The following POLN variants were observed in gnomAD, a reference collection of about 807,000 sequenced individuals.
The protein encoded by POLN is DNA polymerase N.
In POLN, 108 loss-of-function variants were observed where a neutral mutation model predicts 113.5. The ratio of observed to expected loss-of-function variants is 0.95; its 90% CI spans 0.81 to 1.12. The LOEUF is 1.12. Among genes scored for constraint, POLN ranks in the 50% most tolerant of loss-of-function variants. The pLI, the probability that POLN is intolerant of heterozygous loss-of-function variation, is 0.00. For missense variants in POLN, 1,097 were observed against 1,077.1 expected, an observed-to-expected ratio of 1.02 and a Z score of -0.26; for synonymous variants, 386 against 391.5, an observed-to-expected ratio of 0.99 and a Z score of 0.17.
intron 2 of POLN, chr4:2,240,784 C>T (rs762628866): frequency 6.2e-7 from 1 of 1,613,864 alleles, no homozygotes; most frequent in Non-Finnish European, 8.5e-7. Flanking sequence ...AATTCTCTTT[C>T]AGACAACACG....
intron 13 of POLN, among the ~76,000 whole-genome samples, chr4:2,161,347 C>T (rs1172613612): frequency 6.6e-6 from 1 of 152,222 alleles, no homozygotes; most frequent in Admixed American, 6.5e-5. Context: ...GTGGGCTTGG[C>T]AGGCCCTGCA....
At chr4:2,097,790 G>A (rs1479237417) in intron 19 of POLN, among the ~76,000 whole-genome samples, 1 of 152,230 alleles carries the variant, frequency 6.6e-6, no homozygotes, top group Non-Finnish European at 1.5e-5. Context: ...GATTACAAGT[G>A]TGAGTCACCA....
intron 16 of POLN, 143 bp from the exon 17 acceptor site, chr4:2,131,433 CAGT>C: frequency 1.9e-6 from 1 of 535,878 alleles, no homozygotes; most frequent in Non-Finnish European, 3.2e-6. Flanking sequence ...ATACTTAATA[CAGT>C]TGTCTAATAT....
chr4:2,136,041 T>G (rs1005284033), intron 16 of POLN, among the ~76,000 whole-genome samples: 1 of 152,046 alleles, frequency 6.6e-6, no homozygotes, highest in Admixed American at 6.5e-5. Flanking sequence ...TTTGTTGGAG[T>G]CAATCATGTT....
At chr4:2,150,875 G>T (rs1732276091) in intron 16 of POLN, among the ~76,000 whole-genome samples, 1 of 151,996 alleles carries the variant, frequency 6.6e-6, no homozygotes, top group African/African-American at 2.4e-5. Flanking sequence ...AATACGTCTA[G>T]AAAAAAATGT....
intron 17 of POLN, among the ~76,000 whole-genome samples, chr4:2,130,159 G>A (rs1031335932): frequency 6.6e-6 from 1 of 151,922 alleles, no homozygotes; most frequent in Non-Finnish European, 1.5e-5. Flanking sequence ...GGAGGCTGAG[G>A]CAGGAGAACC....
chr4:2,212,649 G>A (rs113458993), intron 4 of POLN, among the ~76,000 whole-genome samples: 51 of 151,842 alleles, frequency 3.4e-4, no homozygotes, highest in African/African-American at 1.2e-3. Flanking sequence ...GCTTCCCAAC[G>A]TGCTGGGATT....
intron 19 of POLN, among the ~76,000 whole-genome samples, chr4:2,122,568 C>A (rs1327540169): frequency 6.6e-6 from 1 of 152,044 alleles, no homozygotes; most frequent in African/African-American, 2.4e-5. Flanking sequence ...TGGCTAGAAT[C>A]AAAAAGACAG....
At position 2,241,953 on chromosome 4, in the gene POLN, C is replaced by G. The variant is rs530842317; in HGVS notation, c.-284+98G>C. On this transcript the variant is annotated intron_variant, in intron 1 of 25. Transcript: ENST00000511885. The stretch of plus-strand genomic sequence containing the variant: ...AGCACCTGGAAGGAGCCCCCAGGAG[C>G]GCAGGAAAAAAAAGAGGCACCTGGG... 3.6e-5 allele frequency: 35 copies of G among 985,428 alleles called. No homozygotes were observed. In the South Asian group the frequency reaches 1.4e-3, roughly 38 times the overall value. The allele number at this position is 985,428 out of a possible 1,614,324, so 61.0% of individuals were successfully genotyped here. A position where few individuals can be genotyped will look rare whatever the true frequency, so the allele number is the denominator to read the frequency against.
intron 16 of POLN, among the ~76,000 whole-genome samples, chr4:2,151,562 A>G (rs1186919209): frequency 6.6e-6 from 1 of 152,236 alleles, no homozygotes; most frequent in Non-Finnish European, 1.5e-5. Context: ...ACTGGAAATG[A>G]CCCAAATATT....
intron 8 of POLN, among the ~76,000 whole-genome samples, chr4:2,178,614 G>GTTT (rs869253023): frequency 2.8e-5 from 4 of 142,094 alleles, no homozygotes; most frequent in East Asian, 2.0e-4. Context: ...GCCCAAGACA[G>GTTT]TTTTTTTTTT....
At chr4:2,097,975 T>C (rs1730837188) in intron 19 of POLN, among the ~76,000 whole-genome samples, 1 of 152,272 alleles carries the variant, frequency 6.6e-6, no homozygotes, top group Non-Finnish European at 1.5e-5. Context: ...CATCCCAGAC[T>C]TCACTGATTT....
chr4:2,226,504 T>C (rs1271005992), intron 3 of POLN, among the ~76,000 whole-genome samples: 3 of 152,260 alleles, frequency 2.0e-5, no homozygotes, highest in Non-Finnish European at 1.5e-5. Flanking sequence ...GTGTTGGCAA[T>C]GTAAGTGGTA....
chr4:2,118,686 G>T (rs531379134), intron 19 of POLN, among the ~76,000 whole-genome samples: 1 of 152,312 alleles, frequency 6.6e-6, no homozygotes, highest in African/African-American at 2.4e-5. Context: ...CACATTTCAG[G>T]ATTTTTTAAT....
chr4:2,094,305 G>A (rs1730731608), intron 20 of POLN, among the ~76,000 whole-genome samples: 1 of 141,318 alleles, frequency 7.1e-6, no homozygotes, highest in Non-Finnish European at 1.5e-5. Context: ...GCTCAATGCA[G>A]TGAGCCGAGA....
In POLN at chr4:2,148,435, G is replaced by A. The variant is rs1026516541; in HGVS notation, c.1731+8353C>T. Among the ~76,000 whole-genome samples, 36 of 152,240 alleles carry A rather than the reference G, an allele frequency of 2.4e-4. 1 individual carries two copies. Among genetic ancestry groups the A allele is most frequent in the African/African-American group, 7.2e-4 (30 of 41,544 alleles). On this transcript the variant is annotated intron_variant, in intron 16 of 25. Transcript: ENST00000511885. The stretch of plus-strand genomic sequence containing the variant: ...TGTAATCCCAGCACTTTGGGAGGCC[G>A]ACGCGGGTAGATTACAAGGTCAGGA...
intron 24 of POLN, 84 bp from the exon 25 acceptor site, chr4:2,073,113 G>A (rs1031731501): frequency 3.6e-6 from 5 of 1,373,480 alleles, no homozygotes; most frequent in East Asian, 2.3e-5. Context: ...TTTCAGGCCC[G>A]AGTCCTGCCC....
At chr4:2,201,056 G>A (rs970392568) in intron 5 of POLN, among the ~76,000 whole-genome samples, 26 of 151,712 alleles carry the variant, frequency 1.7e-4, no homozygotes, top group Admixed American at 3.3e-4. Context: ...TCATGAGGTC[G>A]GGAGATCGAG....
At chr4:2,216,530 G>C (rs539037268) in intron 3 of POLN, among the ~76,000 whole-genome samples, 4 of 152,314 alleles carry the variant, frequency 2.6e-5, no homozygotes, top group East Asian at 1.9e-4. Flanking sequence ...TGCTCCATCA[G>C]GCTGGCAGCT....
Sources: gnomAD v4.1 joint callset for allele counts (sites outside exome capture counted in the v4.1 genomes callset) on GRCh38, gnomAD v4.1.1 for gene constraint, MANE v1.5 for transcripts, NCBI Gene and HGNC (gene_info 2026-07-23, HGNC 2026-07-21) for gene names.